GRM5: variants seen among roughly 807,000 people sequenced by gnomAD.
GRM5 encodes the protein glutamate metabotropic receptor 5.
Under a neutral mutation model 83.1 loss-of-function variants are expected in GRM5, and 19 were observed. That is an observed-to-expected ratio of 0.23 (90% CI 0.16 to 0.34). The LOEUF is 0.34. Among genes scored for constraint, GRM5 ranks in the 10% least tolerant of loss-of-function variants. The probability of loss-of-function intolerance (pLI) is 1.00; values close to 1 mark genes in which losing one functional copy is unlikely to be tolerated. For missense variants in GRM5, 1,160 were observed against 1,588.3 expected (o/e 0.73, Z 4.58); for synonymous variants, 675 against 633.6 (o/e 1.07, Z -0.98).
intron 4 of GRM5, among the ~76,000 whole-genome samples, chr11:88,641,515 C>A (rs1035085608): frequency 9.9e-5 from 15 of 152,140 alleles, no homozygotes; most frequent in Non-Finnish European, 1.8e-4. Context: ...AAGTCCAATA[C>A]CTCATCTCAG....
chr11:88,972,257 A>T (rs895598538), intron 2 of GRM5, among the ~76,000 whole-genome samples: 19 of 152,204 alleles, frequency 1.2e-4, no homozygotes, highest in Admixed American at 6.6e-4. Context: ...ACCCTGACAT[A>T]AAACTTCTCC....
intron 3 of GRM5, among the ~76,000 whole-genome samples, chr11:88,803,843 A>G (rs1278761485): frequency 6.6e-6 from 1 of 152,222 alleles, no homozygotes; most frequent in East Asian, 1.9e-4. Context: ...TTACAAGAAA[A>G]AAACAAACAA....
intron 4 of GRM5, among the ~76,000 whole-genome samples, chr11:88,619,822 G>T (rs1305801409): frequency 6.6e-6 from 1 of 152,052 alleles, no homozygotes; most frequent in Non-Finnish European, 1.5e-5. Flanking sequence ...GTAAAAGGAA[G>T]GAAGATATAA....
At chr11:88,970,605 T>G (rs918430689) in intron 2 of GRM5, among the ~76,000 whole-genome samples, 1 of 152,182 alleles carries the variant, frequency 6.6e-6, no homozygotes, top group Non-Finnish European at 1.5e-5. Context: ...ACTACATTAG[T>G]CAAGCTTTGG....
intron 2 of GRM5, among the ~76,000 whole-genome samples, chr11:88,934,189 G>T (rs1399716492): frequency 2.0e-5 from 3 of 151,668 alleles, no homozygotes; most frequent in African/African-American, 7.3e-5. Context: ...CTTGATTCCT[G>T]TATTGGTCTT....
chr11:88,882,720 G>T (rs186580501), intron 2 of GRM5, among the ~76,000 whole-genome samples: 29 of 152,160 alleles, frequency 1.9e-4, no homozygotes, highest in African/African-American at 6.5e-4. Context: ...TCAAACAGCT[G>T]ATGTTATGTT....
intron 5 of GRM5, among the ~76,000 whole-genome samples, chr11:88,600,096 G>T (rs890590400): frequency 2.0e-5 from 3 of 152,178 alleles, no homozygotes; most frequent in African/African-American, 7.2e-5. Flanking sequence ...CACATATTCA[G>T]TGTCAGAAGC....
At chr11:88,777,073 C>T (rs1224242269) in intron 3 of GRM5, among the ~76,000 whole-genome samples, 3 of 152,202 alleles carry the variant, frequency 2.0e-5, no homozygotes, top group Non-Finnish European at 4.4e-5. Context: ...CTTTCAGGTA[C>T]ACCAATCAAA....
chr11:88,802,314 A>G (rs1943412503), intron 3 of GRM5, among the ~76,000 whole-genome samples: 1 of 152,208 alleles, frequency 6.6e-6, no homozygotes, highest in African/African-American at 2.4e-5. Flanking sequence ...AATTGAATAA[A>G]GAAAATGTAT....
At chr11:88,556,202 G>A (rs1216292119) in intron 8 of GRM5, among the ~76,000 whole-genome samples, 2 of 152,062 alleles carry the variant, frequency 1.3e-5, no homozygotes, top group African/African-American at 2.4e-5. Context: ...GTAAAGTCAT[G>A]TAACCTACTC....
chr11:88,569,811 G>T (rs1424551936), intron 7 of GRM5, among the ~76,000 whole-genome samples: 2 of 152,172 alleles, frequency 1.3e-5, no homozygotes, highest in African/African-American at 4.8e-5. Context: ...CTTGATATAT[G>T]CAGGGAAAAC....
rs571275399 is a variant in GRM5, at chr11:89,062,096, A to T, written c.-201+3680T>A. ...CGCACACTACTAACCCAATGAGTTC[A>T]GGACGCAGTATTTTCAAGTCCTAAA... On this transcript the variant is annotated intron_variant, in intron 1 of 9. Coordinates refer to ENST00000305447, the MANE Select transcript of GRM5 (RefSeq NM_001143831.3). Among the ~76,000 whole-genome samples the T allele has an allele frequency of 3.9e-5, 6 of 152,344 alleles. No homozygotes were observed. In the East Asian group the frequency reaches 1.2e-3, roughly 29 times the overall value.
chr11:88,758,024 A>G (rs1489818997), intron 3 of GRM5, among the ~76,000 whole-genome samples: 2 of 152,166 alleles, frequency 1.3e-5, no homozygotes, highest in Admixed American at 6.5e-5. Context: ...AATAAAGCCA[A>G]TCAACTGAAC....
chr11:88,895,728 T>C (rs1945218780), intron 2 of GRM5, among the ~76,000 whole-genome samples: 1 of 152,068 alleles, frequency 6.6e-6, no homozygotes, highest in South Asian at 2.1e-4. Context: ...CTATTTTAAA[T>C]TGGTTTTTCT....
intron 3 of GRM5, among the ~76,000 whole-genome samples, chr11:88,736,046 A>ACAAT (rs1252324693): frequency 2.6e-5 from 4 of 152,110 alleles, no homozygotes; most frequent in African/African-American, 9.7e-5. Flanking sequence ...GGTCATTTAG[A>ACAAT]CAATCATTTA....
chr11:89,002,595 T>A (rs1411846694), intron 2 of GRM5, among the ~76,000 whole-genome samples: 1 of 152,180 alleles, frequency 6.6e-6, no homozygotes, highest in Non-Finnish European at 1.5e-5. Flanking sequence ...CAAGGGCAAC[T>A]TTTACTTTGC....
intron 2 of GRM5, among the ~76,000 whole-genome samples, chr11:89,003,586 G>A (rs564722392): frequency 6.6e-6 from 1 of 152,186 alleles, no homozygotes; most frequent in African/African-American, 2.4e-5. Context: ...AAAGATTAAT[G>A]GCAAATTTTT....
At chr11:88,747,360 C>T (rs1942165706) in intron 3 of GRM5, among the ~76,000 whole-genome samples, 1 of 152,108 alleles carries the variant, frequency 6.6e-6, no homozygotes, top group Non-Finnish European at 1.5e-5. Context: ...TGACCTAAGA[C>T]TTGGAGTAGA....
intron 3 of GRM5, among the ~76,000 whole-genome samples, chr11:88,759,069 C>T (rs1942455562): frequency 6.6e-6 from 1 of 152,116 alleles, no homozygotes; most frequent in East Asian, 1.9e-4. Context: ...TGCCTTACAA[C>T]TCCCAAAGAA....
Sources: allele counts gnomAD v4.1 joint callset (sites outside exome capture counted in the v4.1 genomes callset), GRCh38; gene constraint gnomAD v4.1.1; transcripts MANE v1.5; gene names NCBI Gene and HGNC (gene_info 2026-07-23, HGNC 2026-07-21).